GABRG3: variants seen among roughly 807,000 people sequenced by gnomAD.
The protein encoded by GABRG3 is gamma-aminobutyric acid receptor subunit gamma-3.
GABRG3 carries 25 observed loss-of-function variants against 48.8 expected under a neutral mutation model. That is an observed-to-expected ratio of 0.51 (90% CI 0.37 to 0.72). The LOEUF (loss-of-function observed/expected upper bound fraction) is 0.72, where lower values mean the gene tolerates loss of function less well. Among genes scored for constraint, GABRG3 ranks in the 30% least tolerant of loss-of-function variants. GABRG3 has a pLI of 0.00. For missense variants in GABRG3, 394 were observed against 577.9 expected (o/e 0.68, Z 3.26); for synonymous variants, 227 against 217.6 (o/e 1.04, Z -0.38).
chr15:27,322,846 A>G (rs1392075371), intron 3 of GABRG3, among the ~76,000 whole-genome samples: 2 of 152,120 alleles, frequency 1.3e-5, no homozygotes, highest in Non-Finnish European at 2.9e-5. Context: ...GGTACTTAGT[A>G]GCTGTGTGAC....
chr15:27,200,641 G>C (rs1566963075), intron 3 of GABRG3, among the ~76,000 whole-genome samples: 1 of 152,194 alleles, frequency 6.6e-6, no homozygotes. Flanking sequence ...TAAGGGGCTA[G>C]ATAATAAATC....
At chr15:27,264,941 C>A (rs1890872982) in intron 3 of GABRG3, among the ~76,000 whole-genome samples, 1 of 151,854 alleles carries the variant, frequency 6.6e-6, no homozygotes, top group African/African-American at 2.4e-5. Context: ...ACAAAAACAA[C>A]CAACTTCTTC....
At chr15:27,476,822 G>A (rs987416612) in intron 5 of GABRG3, among the ~76,000 whole-genome samples, 3 of 152,242 alleles carry the variant, frequency 2.0e-5, no homozygotes, top group African/African-American at 2.4e-5. Flanking sequence ...ATCTAAGAAT[G>A]TCAACAAATC....
intron 3 of GABRG3, among the ~76,000 whole-genome samples, chr15:27,046,007 C>G (rs941572438): frequency 6.6e-6 from 1 of 152,208 alleles, no homozygotes; most frequent in African/African-American, 2.4e-5. Context: ...CTGCAGAGAG[C>G]TCCGAGTTCC....
At chr15:27,060,387 A>G (rs1456939744) in intron 3 of GABRG3, among the ~76,000 whole-genome samples, 1 of 152,252 alleles carries the variant, frequency 6.6e-6, no homozygotes, top group Non-Finnish European at 1.5e-5. Flanking sequence ...ATGCTGCTCC[A>G]GAAACTGCTC....
At chr15:27,261,422 G>T (rs756917567) in intron 3 of GABRG3, among the ~76,000 whole-genome samples, 1 of 151,884 alleles carries the variant, frequency 6.6e-6, no homozygotes, top group South Asian at 2.1e-4. Context: ...AGTCCCCCCA[G>T]TGCCACTGTC....
In GABRG3 at chr15:27,236,932, AGGACTTGCTCT is replaced by A. The variant is rs1259921412; in HGVS notation, c.271-89874_271-89864del. Among the ~76,000 whole-genome samples the A allele has an allele frequency of 6.6e-6, 1 of 152,162 alleles. No individual in the cohort carries two copies. Among genetic ancestry groups the A allele is most frequent in the Non-Finnish European group, 1.5e-5 (1 of 68,040 alleles). ...CCTGCTCCCTTTACCCCTCCCTTGG[AGGACTTGCTCT>A]GGGCTTGTGCTGGAGGTTATGCTTC... On this transcript the variant is annotated intron_variant, in intron 3 of 9. Coordinates refer to ENST00000615808, the MANE Select transcript of GABRG3 (RefSeq NM_033223.5). This position sits in a 1 kb window ranked among gnomAD's most constrained non-coding sequence, Gnocchi z 4.4.
At chr15:27,284,781 C>T (rs1891553798) in intron 3 of GABRG3, among the ~76,000 whole-genome samples, 2 of 152,172 alleles carry the variant, frequency 1.3e-5, no homozygotes, top group Non-Finnish European at 2.9e-5. Context: ...CAACTTTGCT[C>T]CAGGCCATAA....
chr15:27,061,389 A>C (rs576086654), intron 3 of GABRG3, among the ~76,000 whole-genome samples: 1 of 151,294 alleles, frequency 6.6e-6, no homozygotes, highest in Admixed American at 6.6e-5. Flanking sequence ...CATCTGGCTG[A>C]TTAGGGTTTT....
chr15:27,389,481 C>A (rs565366513), intron 5 of GABRG3, among the ~76,000 whole-genome samples: 1 of 152,134 alleles, frequency 6.6e-6, no homozygotes, highest in Non-Finnish European at 1.5e-5. Context: ...CTGTTATCTG[C>A]GGTGAAATGG....
At chr15:27,321,925 T>C (rs1340940358) in intron 3 of GABRG3, among the ~76,000 whole-genome samples, 1 of 152,262 alleles carries the variant, frequency 6.6e-6, no homozygotes, top group Non-Finnish European at 1.5e-5. Flanking sequence ...TTGGAAATTA[T>C]TGAGCTCTGC....
rs1213669215 is a variant in GABRG3, at chr15:27,457,198, A to G, written c.575-23452A>G. On this transcript the variant is annotated intron_variant, in intron 5 of 9. Transcript: ENST00000615808. The surrounding 1 kb of genome is among the most constrained non-coding windows in gnomAD (Gnocchi z 4.4). The stretch of plus-strand genomic sequence containing the variant: ...TGCAGCTGGACTGGGAGTGACTGCA[A>G]GGCTGCAAGAACTGCCCACGCTCCG... Among the ~76,000 whole-genome samples the G allele has an allele frequency of 1.3e-5, 2 of 152,178 alleles. No individual in the cohort carries two copies. The highest frequency in any genetic ancestry group is 1.5e-5 in the Non-Finnish European group (1 of 68,036).
intron 5 of GABRG3, among the ~76,000 whole-genome samples, chr15:27,455,239 A>G (rs1889227707): frequency 6.6e-6 from 1 of 152,192 alleles, no homozygotes; most frequent in African/African-American, 2.4e-5. Context: ...GCTGGTAAAC[A>G]GCCCCAAGAC....
intron 3 of GABRG3, among the ~76,000 whole-genome samples, chr15:27,202,442 G>A (rs981723687): frequency 6.6e-6 from 1 of 152,094 alleles, no homozygotes; most frequent in African/African-American, 2.4e-5. Context: ...AGGTATTTAT[G>A]GCATTTGCAT....
chr15:27,134,430 C>T lies in GABRG3; in HGVS notation c.270+107609C>T, dbSNP rs146471110. ...CCCAAACCTCCCTTTTTTAGAAACA[C>T]CCTCCTGTTCAAGATGACCACCATG... On this transcript the variant is annotated intron_variant, in intron 3 of 9. Transcript: ENST00000615808. Among the ~76,000 whole-genome samples, 22 of 152,166 alleles carry T rather than the reference C, an allele frequency of 1.4e-4. No homozygotes were observed. In the East Asian group the frequency reaches 4.3e-3, roughly 29 times the overall value.
At chr15:27,264,276 TC>T (rs1195338984) in intron 3 of GABRG3, among the ~76,000 whole-genome samples, 5 of 151,766 alleles carry the variant, frequency 3.3e-5, no homozygotes, top group African/African-American at 9.7e-5. Context: ...TAAAAAAAAA[TC>T]AAACTCTAAA....
chr15:27,112,283 G>A (rs1897565310), intron 3 of GABRG3, among the ~76,000 whole-genome samples: 1 of 152,116 alleles, frequency 6.6e-6, no homozygotes, highest in South Asian at 2.1e-4. Context: ...ATTTAGAAAG[G>A]TCAGTGATTT....
intron 5 of GABRG3, among the ~76,000 whole-genome samples, chr15:27,473,503 A>G (rs1367952320): frequency 6.6e-6 from 1 of 152,234 alleles, no homozygotes; most frequent in African/African-American, 2.4e-5. Flanking sequence ...CTGAAATTAT[A>G]AACGTCTGGT....
chr15:27,373,225 T>C (rs1238442840), intron 5 of GABRG3, among the ~76,000 whole-genome samples: 1 of 152,204 alleles, frequency 6.6e-6, no homozygotes, highest in Non-Finnish European at 1.5e-5. Flanking sequence ...TTCTAAATTA[T>C]AATTTTCAAA....
Sources: allele counts gnomAD v4.1 joint callset (sites outside exome capture counted in the v4.1 genomes callset), GRCh38; gene constraint gnomAD v4.1.1; non-coding constraint Gnocchi (gnomAD v3.1); transcripts MANE v1.5; gene names NCBI Gene and HGNC (gene_info 2026-07-23, HGNC 2026-07-21).